ADAM32: variants seen among roughly 807,000 people sequenced by gnomAD.
ADAM32 encodes the protein disintegrin and metalloproteinase domain-containing protein 32.
A neutral mutation model predicts 114.9 loss-of-function variants in ADAM32; 89 were observed. The observed-to-expected ratio is 0.77, with a 90% CI of 0.65 to 0.92. The LOEUF (loss-of-function observed/expected upper bound fraction) is 0.92. Among genes scored for constraint, ADAM32 ranks in the 40% least tolerant of loss-of-function variants. ADAM32 has a pLI of 0.00. For synonymous variants in ADAM32, 285 were observed against 307.5 expected, an observed-to-expected ratio of 0.93 and a Z score of 0.77; for missense variants, 870 against 932.8, an observed-to-expected ratio of 0.93 and a Z score of 0.88.
chr8:39,233,751 A>T, intron 15 of ADAM32, 148 bp from the exon 16 acceptor site: 1 of 504,436 alleles, frequency 2.0e-6, no homozygotes, highest in Non-Finnish European at 3.2e-6. Context: ...TTTACTTTTT[A>T]CTTTGTTACC....
chr8:39,154,865 C>G (rs1305642181), intron 6 of ADAM32, among the ~76,000 whole-genome samples: 1 of 143,756 alleles, frequency 7.0e-6, no homozygotes, highest in Non-Finnish European at 1.5e-5. Context: ...CTGTTCAAAC[C>G]CTTCACCCAC....
chr8:39,232,066 A>G lies in ADAM32; in HGVS notation c.1565A>G (p.Gln522Arg), dbSNP rs1809771292. 3 of 1,612,612 alleles carry G rather than the reference A, an allele frequency of 1.9e-6. No homozygotes were observed. The highest frequency in any genetic ancestry group is 8.5e-7 in the Non-Finnish European group (1 of 1,179,116). Reference sequence around the variant, plus strand: ...CCATTTGCCTGCTATGAAGAAATACAATCTCAATCAGACAGATTTGGGAAC... The same window carrying G: ...CCATTTGCCTGCTATGAAGAAATACGATCTCAATCAGACAGATTTGGGAAC... Reference protein sequence around the residue: ...NAPFACYEEIQSQSDRFGNCG... With the variant: ...NAPFACYEEIRSQSDRFGNCG... The change falls in exon 15 of 25, where the codon CAA becomes CGA. Residue 522 changes from glutamine to arginine, a missense_variant. By Grantham distance (43) the Gln-to-Arg change is conservative (BLOSUM62 1). Transcript: ENST00000379907.
At position 39,165,074 on chromosome 8, in the gene ADAM32, G is replaced by A. The variant is rs1258368632; in HGVS notation, c.711G>A (p.Glu237=). Residue 237 remains glutamate (E), a synonymous_variant, in exon 9 of 25, where the codon GAG becomes GAA. Coordinates refer to ENST00000379907, the MANE Select transcript of ADAM32 (RefSeq NM_145004.7). ...FKVTIVLSSL[E]LWSDENKIST... The stretch of plus-strand genomic sequence containing the variant: ...TTACTATTGTGCTGTCATCATTGGA[G>A]TTATGGTCAGATGAAAATAAGATTT... The A allele has an allele frequency of 1.9e-6, 3 of 1,609,332 alleles. No homozygotes were observed. The highest frequency in any genetic ancestry group is 1.3e-5 in the African/African-American group (1 of 74,702).
chr8:39,134,918 G>C (rs1308304838), intron 2 of ADAM32, among the ~76,000 whole-genome samples: 1 of 152,178 alleles, frequency 6.6e-6, no homozygotes, highest in Non-Finnish European at 1.5e-5. Flanking sequence ...CACTTTGGGA[G>C]GCCGAGGTGG....
At chr8:39,267,341 T>C (rs1256706380) in intron 19 of ADAM32, among the ~76,000 whole-genome samples, 1 of 152,246 alleles carries the variant, frequency 6.6e-6, no homozygotes, top group Admixed American at 6.5e-5. Context: ...CATATGATTG[T>C]ATGTACTTTG....
intron 3 of ADAM32, among the ~76,000 whole-genome samples, chr8:39,143,970 A>G (rs1803340666): frequency 1.3e-5 from 2 of 152,296 alleles, no homozygotes; most frequent in South Asian, 2.1e-4. Flanking sequence ...TTGCAGGGCA[A>G]TCTCAGACTG....
chr8:39,280,539 C>T (rs762958005), intron 22 of ADAM32, among the ~76,000 whole-genome samples: 2 of 152,068 alleles, frequency 1.3e-5, no homozygotes, highest in Non-Finnish European at 2.9e-5. Context: ...ACATTAACTT[C>T]GAAGTAATTT....
chr8:39,273,664 A>G (rs1417751125), intron 20 of ADAM32, among the ~76,000 whole-genome samples: 1 of 152,236 alleles, frequency 6.6e-6, no homozygotes, highest in South Asian at 2.1e-4. Flanking sequence ...GCAGCACTGT[A>G]GGTTTAGATG....
chr8:39,107,971 G>A, intron 1 of ADAM32, 138 bp downstream of exon 1: 1 of 1,211,006 alleles, frequency 8.3e-7, no homozygotes, highest in Non-Finnish European at 1.1e-6. Flanking sequence ...CAGGGGATTA[G>A]GCGCCCCGTC....
intron 11 of ADAM32, among the ~76,000 whole-genome samples, chr8:39,204,901 C>T (rs1450036355): frequency 1.3e-5 from 2 of 152,232 alleles, no homozygotes; most frequent in Admixed American, 6.5e-5. Flanking sequence ...ACTCCAGACC[C>T]TGTTTGCCTG....
intron 11 of ADAM32, among the ~76,000 whole-genome samples, chr8:39,190,359 G>T (rs897690466): frequency 2.0e-5 from 3 of 152,108 alleles, no homozygotes; most frequent in Non-Finnish European, 4.4e-5. Flanking sequence ...AAACATGAAG[G>T]TTCAGGTATC....
At position 39,165,163 on chromosome 8, in the gene ADAM32, A is replaced by G; in HGVS notation, c.800A>G (p.Asn267Ser). ...TTAGAATGGAAACAATCTTATCTTA[A>G]CCTAAGGCCTCATGATATTGCATAT... The part of the protein sequence containing the change: ...KFLEWKQSYL[N>S]LRPHDIAYLL... Residue 267 changes from asparagine to serine, a missense_variant, in exon 9 of 25, where the codon AAC becomes AGC. Coordinates refer to ENST00000379907, the MANE Select transcript of ADAM32 (RefSeq NM_145004.7). 6.3e-7 allele frequency: 1 copy of G among 1,588,780 alleles called. No individual in the cohort carries two copies. Among genetic ancestry groups the G allele is most frequent in the Non-Finnish European group, 8.6e-7 (1 of 1,163,980 alleles).
At chr8:39,241,458 C>T (rs557985940) in intron 16 of ADAM32, among the ~76,000 whole-genome samples, 2 of 152,354 alleles carry the variant, frequency 1.3e-5, no homozygotes, top group Non-Finnish European at 2.9e-5. Flanking sequence ...CATGAGGGCT[C>T]CACTCCTGCA....
chr8:39,212,414 A>G (rs1283299805), intron 12 of ADAM32, among the ~76,000 whole-genome samples: 1 of 152,196 alleles, frequency 6.6e-6, no homozygotes, highest in African/African-American at 2.4e-5. Flanking sequence ...CAACAAATGT[A>G]TATAACTATT....
At chr8:39,163,895 A>T (rs1479319046) in intron 7 of ADAM32, among the ~76,000 whole-genome samples, 1 of 152,180 alleles carries the variant, frequency 6.6e-6, no homozygotes, top group African/African-American at 2.4e-5. Context: ...ATCCAAGGTG[A>T]TGTACTATAG....
At chr8:39,125,124 T>A (rs1802032983) in intron 2 of ADAM32, among the ~76,000 whole-genome samples, 1 of 152,228 alleles carries the variant, frequency 6.6e-6, no homozygotes, top group African/African-American at 2.4e-5. Flanking sequence ...TTCATATGTT[T>A]GTTGGCCACA....
At chr8:39,238,895 A>T (rs537131445) in intron 16 of ADAM32, among the ~76,000 whole-genome samples, 5 of 152,068 alleles carry the variant, frequency 3.3e-5, no homozygotes, top group African/African-American at 1.2e-4. Context: ...TAAAACAATG[A>T]ACAAAGCCTC....
intron 22 of ADAM32, among the ~76,000 whole-genome samples, chr8:39,278,705 A>C (rs1448669139): frequency 2.0e-5 from 3 of 151,880 alleles, no homozygotes; most frequent in African/African-American, 7.2e-5. Flanking sequence ...AAGAGCTTAA[A>C]ACGTATTTAT....
chr8:39,218,109 G>T (rs1808715160), intron 12 of ADAM32, among the ~76,000 whole-genome samples: 1 of 151,890 alleles, frequency 6.6e-6, no homozygotes, highest in Non-Finnish European at 1.5e-5. Flanking sequence ...GTGGTTTTTT[G>T]CAGACTCTTA....
Sources: allele counts gnomAD v4.1 joint callset (sites outside exome capture counted in the v4.1 genomes callset), GRCh38; gene constraint gnomAD v4.1.1; transcripts MANE v1.5; gene names NCBI Gene and HGNC (gene_info 2026-07-23, HGNC 2026-07-21).